Variants in SPHKAP observed in about 807,000 individuals in gnomAD.
SPHKAP encodes the protein A-kinase anchor protein SPHKAP.
A neutral mutation model predicts 137.5 loss-of-function variants in SPHKAP; 67 were observed. The ratio of observed to expected loss-of-function variants is 0.49; its 90% CI spans 0.40 to 0.60. SPHKAP has a LOEUF of 0.60. Ranked by LOEUF, SPHKAP falls within the 20% of genes least tolerant of loss-of-function variation. The pLI is 0.00. For missense variants in SPHKAP, 2,097 were observed against 2,069.3 expected (o/e 1.01, Z -0.26); for synonymous variants, 813 against 785.3 (o/e 1.04, Z -0.59).
intron 1 of SPHKAP, among the ~76,000 whole-genome samples, chr2:228,140,712 C>A (rs1699580016): frequency 6.6e-6 from 1 of 152,038 alleles, no homozygotes; most frequent in Non-Finnish European, 1.5e-5. Context: ...GGGTGGATTT[C>A]TCATGAATGG....
Position 227,983,246 on chromosome 2 carries a change from G to A in SPHKAP, c.4960-1386C>T, listed in dbSNP as rs981700882. ...CTGAGAAGTTGTCTCATAGAGATCCGCTGTTAAATGATGTTTCTTCTCCCA... is the reference window on the plus strand; with the variant it reads ...CTGAGAAGTTGTCTCATAGAGATCCACTGTTAAATGATGTTTCTTCTCCCA... On this transcript the variant is annotated intron_variant, in intron 11 of 11. Coordinates refer to ENST00000392056, the MANE Select transcript of SPHKAP (RefSeq NM_001142644.2). 4.6e-5 allele frequency among the ~76,000 whole-genome samples: 7 copies of A among 152,136 alleles called. 1 individual carries two copies. The highest frequency in any genetic ancestry group is 1.3e-4 in the Admixed American group (2 of 15,262).
chr2:228,142,251 G>A (rs1413953021), intron 1 of SPHKAP, among the ~76,000 whole-genome samples: 1 of 149,990 alleles, frequency 6.7e-6, no homozygotes, highest in Admixed American at 6.6e-5. Context: ...GCTGGGCAGA[G>A]TGTACATTTT....
rs1694782274 is a variant in SPHKAP, at chr2:228,020,128, A to G, written c.726T>C (p.Asn242=). The part of the protein sequence containing the change: ...NDYENINVSA[N]VLESKQLKGA... The stretch of plus-strand genomic sequence containing the variant: ...CCTTTAGCTGTTTACTTTCCAAAAC[A>G]TTGGCTGAGACATTTATATTTTCAT... The change falls in exon 7 of 12, where the codon AAT becomes AAC. Residue 242 remains asparagine (N), a synonymous_variant. Coordinates refer to ENST00000392056, the MANE Select transcript of SPHKAP (RefSeq NM_001142644.2). The G allele has an allele frequency of 1.9e-6, 3 of 1,608,332 alleles. No individual in the cohort carries two copies. Among genetic ancestry groups the G allele is most frequent in the East Asian group, 2.2e-5 (1 of 44,848 alleles).
chr2:228,104,820 T>C (rs1698289583), intron 3 of SPHKAP, among the ~76,000 whole-genome samples: 1 of 152,190 alleles, frequency 6.6e-6, no homozygotes, highest in African/African-American at 2.4e-5. Flanking sequence ...TGACAGTAAC[T>C]ATGAATAGAA....
chr2:228,116,384 A>C (rs1698710898), intron 2 of SPHKAP, among the ~76,000 whole-genome samples: 1 of 152,144 alleles, frequency 6.6e-6, no homozygotes, highest in African/African-American at 2.4e-5. Context: ...AAGTCACTTA[A>C]CTTCTTTGAG....
intron 4 of SPHKAP, among the ~76,000 whole-genome samples, 165 bp downstream of exon 4, chr2:228,027,319 G>T (rs1695081516): frequency 6.6e-6 from 1 of 152,186 alleles, no homozygotes; most frequent in Non-Finnish European, 1.5e-5. Context: ...AATGTAAAAA[G>T]GGCAAACGGT....
At chr2:227,994,576 G>A (rs1693549221) in intron 8 of SPHKAP, among the ~76,000 whole-genome samples, 1 of 152,102 alleles carries the variant, frequency 6.6e-6, no homozygotes, top group Admixed American at 6.5e-5. Context: ...AATATCAACT[G>A]GATGCCCTCG....
chr2:228,142,440 C>A (rs1224717606), intron 1 of SPHKAP, among the ~76,000 whole-genome samples: 3 of 151,454 alleles, frequency 2.0e-5, no homozygotes, highest in Non-Finnish European at 4.4e-5. Context: ...CCAGTGCACT[C>A]CAGCCTGGGT....
intron 3 of SPHKAP, among the ~76,000 whole-genome samples, chr2:228,047,521 A>G: frequency 6.6e-6 from 1 of 152,098 alleles, no homozygotes; most frequent in Non-Finnish European, 1.5e-5. Flanking sequence ...TGTTATCTGT[A>G]AAGAAACTGA....
intron 7 of SPHKAP, among the ~76,000 whole-genome samples, chr2:228,015,979 A>G (rs1420693744): frequency 6.6e-6 from 1 of 152,164 alleles, no homozygotes; most frequent in East Asian, 1.9e-4. Context: ...TATTAATATT[A>G]TTATTTGCTT....
intron 3 of SPHKAP, among the ~76,000 whole-genome samples, chr2:228,059,366 C>T (rs778628710): frequency 7.2e-5 from 11 of 152,304 alleles, no homozygotes; most frequent in Middle Eastern, 3.4e-3. Flanking sequence ...TACTTACTCA[C>T]TTTTGTAATT....
chr2:227,981,425 T>C lies in SPHKAP; in HGVS notation c.*292A>G, dbSNP rs1692989298. 4.3e-6 allele frequency: 1 copy of C among 234,450 alleles called. No individual in the cohort carries two copies. Among genetic ancestry groups the C allele is most frequent in the Non-Finnish European group, 8.2e-6 (1 of 122,682 alleles). The allele number at this position is 234,450 out of a possible 1,614,324, so 14.5% of individuals were successfully genotyped here. On this transcript the variant is annotated 3_prime_UTR_variant, in exon 12 of 12. Transcript: ENST00000392056. ...TATGTGAGTGTTGTTTTCCTGGAGA[T>C]TGGGTCTCATTATAAGCATTCTAAT...
chr2:228,144,240 A>G (rs979697153), intron 1 of SPHKAP, among the ~76,000 whole-genome samples: 2 of 152,018 alleles, frequency 1.3e-5, no homozygotes, highest in African/African-American at 2.4e-5. Flanking sequence ...TGATGTTCCA[A>G]TGTTCTATAG....
intron 3 of SPHKAP, among the ~76,000 whole-genome samples, chr2:228,107,107 C>A (rs1458717064): frequency 6.6e-6 from 1 of 151,698 alleles, no homozygotes; most frequent in Non-Finnish European, 1.5e-5. Context: ...AAAATCCATT[C>A]TTTTGGCATT....
intron 1 of SPHKAP, among the ~76,000 whole-genome samples, chr2:228,171,727 T>C (rs575705010): frequency 3.2e-4 from 49 of 152,260 alleles, no homozygotes; most frequent in African/African-American, 1.1e-3. Flanking sequence ...CACTGTGTAA[T>C]TGGACCCACA....
intron 3 of SPHKAP, among the ~76,000 whole-genome samples, chr2:228,064,959 T>C (rs563047604): frequency 2.6e-5 from 4 of 152,210 alleles, no homozygotes; most frequent in African/African-American, 9.6e-5. Flanking sequence ...CCTTGAAGGA[T>C]GGGGTACATT....
chr2:228,094,125 A>T (rs1697906439), intron 3 of SPHKAP, among the ~76,000 whole-genome samples: 1 of 152,194 alleles, frequency 6.6e-6, no homozygotes, highest in South Asian at 2.1e-4. Context: ...CAAATATCTT[A>T]AGCCTCAAAT....
intron 3 of SPHKAP, among the ~76,000 whole-genome samples, chr2:228,039,691 C>T (rs189004425): frequency 9.7e-4 from 148 of 152,022 alleles, no homozygotes; most frequent in African/African-American, 3.3e-3. Flanking sequence ...GCAACTTTTG[C>T]GAGGCAACTG....
intron 1 of SPHKAP, among the ~76,000 whole-genome samples, chr2:228,141,341 C>G (rs542899536): frequency 6.6e-6 from 1 of 152,292 alleles, no homozygotes; most frequent in Admixed American, 6.5e-5. Flanking sequence ...TTTCATGGTG[C>G]TATTTCCTGT....
Sources: gnomAD v4.1 joint callset for allele counts (sites outside exome capture counted in the v4.1 genomes callset) on GRCh38, gnomAD v4.1.1 for gene constraint, MANE v1.5 for transcripts, NCBI Gene and HGNC (gene_info 2026-07-23, HGNC 2026-07-21) for gene names.